The following MAP3K7 variants were observed in gnomAD, a reference collection of about 807,000 sequenced individuals.
MAP3K7 encodes the protein mitogen-activated protein kinase kinase kinase 7.
MAP3K7 carries 21 observed loss-of-function variants against 84.8 expected under a neutral mutation model. The ratio of observed to expected loss-of-function variants is 0.25; its 90% CI spans 0.18 to 0.36. MAP3K7 has a LOEUF of 0.36. MAP3K7 is among the 10% of genes least tolerant of loss of function. MAP3K7 has a pLI of 1.00. For missense variants in MAP3K7, 503 were observed against 747.7 expected, an observed-to-expected ratio of 0.67 and a Z score of 3.82; for synonymous variants, 241 against 247.7, an observed-to-expected ratio of 0.97 and a Z score of 0.25.
chr6:90,532,366 A>T (rs1046579481), intron 13 of MAP3K7, among the ~76,000 whole-genome samples: 15 of 152,182 alleles, frequency 9.9e-5, no homozygotes, highest in Admixed American at 9.2e-4. Context: ...GGCATACAAC[A>T]TGGATTAGTA....
intron 13 of MAP3K7, among the ~76,000 whole-genome samples, chr6:90,525,201 T>TA (rs1376283676): frequency 6.6e-6 from 1 of 151,662 alleles, no homozygotes; most frequent in Non-Finnish European, 1.5e-5. Context: ...AGTTAAAGGA[T>TA]AAAAAAAGAA....
At chr6:90,533,599 A>G (rs1266412392) in intron 13 of MAP3K7, among the ~76,000 whole-genome samples, 1 of 152,188 alleles carries the variant, frequency 6.6e-6, no homozygotes, top group Non-Finnish European at 1.5e-5. Flanking sequence ...GGAGAGGACA[A>G]TGTTAGGTAT....
chr6:90,524,443 C>T (rs1190842246), intron 13 of MAP3K7, among the ~76,000 whole-genome samples: 2 of 152,080 alleles, frequency 1.3e-5, no homozygotes, highest in Non-Finnish European at 2.9e-5. Context: ...CAACATGGAA[C>T]GTATACATTC....
intron 5 of MAP3K7, 118 bp from the exon 6 acceptor site, chr6:90,556,742 A>G: frequency 1.0e-6 from 1 of 997,170 alleles, no homozygotes. Context: ...TTATCATTCA[A>G]CTTCTGTGAA....
At position 90,586,619 on chromosome 6, in the gene MAP3K7, A is replaced by G. The variant is rs963173946; in HGVS notation, c.120+145T>C. The G allele has an allele frequency of 9.3e-5, 99 of 1,067,080 alleles. No homozygotes were observed. In the Middle Eastern group the frequency reaches 1.3e-3, roughly 14 times the overall value. 66.1% of individuals were successfully genotyped at this position (1,067,080 alleles called of 1,614,324 possible). On this transcript the variant is annotated intron_variant, in intron 1 of 16. Coordinates refer to ENST00000369329, the MANE Select transcript of MAP3K7 (RefSeq NM_145331.3). ...AGAGAGTAACCCCCACTCCCACGTT[A>G]CTGAGGGCTGTGGGGTCTCCCGGGT...
intron 7 of MAP3K7, 118 bp from the exon 8 acceptor site, chr6:90,552,297 G>A (rs1776207416): frequency 1.1e-6 from 1 of 884,498 alleles, no homozygotes; most frequent in Non-Finnish European, 1.7e-6. Context: ...TTTAAGATCT[G>A]TAATTTGGAG....
chr6:90,547,943 T>C, intron 10 of MAP3K7, 104 bp downstream of exon 10: 1 of 952,208 alleles, frequency 1.1e-6, no homozygotes, highest in East Asian at 3.0e-5. Context: ...AGGAAGAAAA[T>C]TCAGGATTTA....
At chr6:90,563,956 T>G (rs1005010817) in intron 3 of MAP3K7, among the ~76,000 whole-genome samples, 1 of 152,142 alleles carries the variant, frequency 6.6e-6, no homozygotes, top group Non-Finnish European at 1.5e-5. Flanking sequence ...GAATTTCATA[T>G]CCAGCCAAAC....
At position 90,586,956 on chromosome 6, in the gene MAP3K7, G is replaced by GC; in HGVS notation, c.-74dup. The GC allele has an allele frequency of 6.8e-7, 1 of 1,464,706 alleles. No homozygotes were observed. The highest frequency in any genetic ancestry group is 9.0e-7 in the Non-Finnish European group (1 of 1,114,688). The allele number at this position is 1,464,706 out of a possible 1,614,324, so 90.7% of individuals were successfully genotyped here. A position where few individuals can be genotyped will look rare whatever the true frequency, so the allele number is the denominator to read the frequency against. ...ATCCGGGTGAGACCCGCGCCCACCC[G>GC]CCTCCGGACCGACCCTCAGCCTGGA... is the stretch of plus-strand genomic sequence containing the variant. On this transcript the variant is annotated 5_prime_UTR_variant, in exon 1 of 17. Coordinates refer to ENST00000369329, the MANE Select transcript of MAP3K7 (RefSeq NM_145331.3).
chr6:90,528,487 T>C (rs2127959996), intron 13 of MAP3K7, among the ~76,000 whole-genome samples: 1 of 152,318 alleles, frequency 6.6e-6, no homozygotes, highest in South Asian at 2.1e-4. Flanking sequence ...GTTAAGAATG[T>C]GATGAGAAGT....
At chr6:90,557,819 G>A (rs765721914) in intron 5 of MAP3K7, among the ~76,000 whole-genome samples, 2 of 152,176 alleles carry the variant, frequency 1.3e-5, no homozygotes, top group Non-Finnish European at 2.9e-5. Flanking sequence ...AATTATCTTT[G>A]TAGGCTTACT....
chr6:90,528,947 G>A (rs1322615827), intron 13 of MAP3K7, among the ~76,000 whole-genome samples: 1 of 152,092 alleles, frequency 6.6e-6, no homozygotes, highest in Non-Finnish European at 1.5e-5. Context: ...TGCTCATTCT[G>A]TTCTTTTCTT....
Position 90,516,351 on chromosome 6 carries a change from TAAAC to T in MAP3K7, c.*146_*149del, listed in dbSNP as rs1774960610. 4 of 744,318 alleles carry T rather than the reference TAAAC, an allele frequency of 5.4e-6. No homozygotes were observed. Among genetic ancestry groups the T allele is most frequent in the Admixed American group, 2.9e-5 (1 of 35,004 alleles). The allele number at this position is 744,318 out of a possible 1,614,324, so 46.1% of individuals were successfully genotyped here. A position where few individuals can be genotyped will look rare whatever the true frequency, so the allele number is the denominator to read the frequency against. ...TATGTCCACCATGAGAAAAGGAAAA[TAAAC>T]AATGAAAAAAATGCAGCAAATATAG... On this transcript the variant is annotated 3_prime_UTR_variant, in exon 17 of 17. Coordinates refer to ENST00000369329, the MANE Select transcript of MAP3K7 (RefSeq NM_145331.3).
chr6:90,545,545 G>A (rs148669345), intron 11 of MAP3K7, among the ~76,000 whole-genome samples: 1 of 152,116 alleles, frequency 6.6e-6, no homozygotes, highest in South Asian at 2.1e-4. Context: ...CTCAAAGCAT[G>A]AGGGTATGTC....
At chr6:90,561,748 CCT>C (rs1776522436) in intron 3 of MAP3K7, 81 bp from the exon 4 acceptor site, 2 of 950,060 alleles carry the variant, frequency 2.1e-6, no homozygotes, top group Non-Finnish European at 3.4e-6. Flanking sequence ...AATTCACTCC[CCT>C]GATTTTATAG....
chr6:90,569,143 T>G (rs751038529), intron 2 of MAP3K7, among the ~76,000 whole-genome samples: 2 of 152,184 alleles, frequency 1.3e-5, no homozygotes, highest in Non-Finnish European at 2.9e-5. Context: ...CATTTCCATT[T>G]TAAAGATGAG....
intron 12 of MAP3K7, chr6:90,542,315 A>G (rs1048222630): frequency 3.3e-5 from 32 of 984,008 alleles, no homozygotes; most frequent in Non-Finnish European, 3.5e-5. Context: ...GTATTCTTCT[A>G]TTAAAGAAAG....
At chr6:90,580,788 CAG>C (rs1299032418) in intron 1 of MAP3K7, among the ~76,000 whole-genome samples, 11 of 152,102 alleles carry the variant, frequency 7.2e-5, no homozygotes, top group African/African-American at 1.4e-4. Context: ...TTGTAAAAAA[CAG>C]AGGAATGCAA....
intron 8 of MAP3K7, 42 bp from the exon 9 acceptor site, chr6:90,550,591 T>G (rs746690815): frequency 1.6e-6 from 2 of 1,260,550 alleles, no homozygotes; most frequent in Admixed American, 3.7e-5. Flanking sequence ...ATTTCCTTAA[T>G]ACAAATTAAA....
Sources: gnomAD v4.1 joint callset for allele counts (sites outside exome capture counted in the v4.1 genomes callset) on GRCh38, gnomAD v4.1.1 for gene constraint, MANE v1.5 for transcripts, NCBI Gene and HGNC (gene_info 2026-07-23, HGNC 2026-07-21) for gene names.